RIPK4: variants seen among roughly 807,000 people sequenced by gnomAD.
RIPK4 encodes receptor interacting serine/threonine kinase 4.
Under a neutral mutation model 42.9 loss-of-function variants are expected in RIPK4, and 17 were observed. The ratio of observed to expected loss-of-function variants is 0.40; its 90% confidence interval spans 0.27 to 0.59. RIPK4 has a LOEUF of 0.59. RIPK4 is among the 20% of genes least tolerant of loss of function. The pLI, the probability that RIPK4 is intolerant of heterozygous loss-of-function variation, is 0.47. For synonymous variants in RIPK4, 498 were observed against 499.1 expected (o/e 1.00, Z 0.03); for missense variants, 897 against 1,104.4 (o/e 0.81, Z 2.66).
At chr21:41,750,506 C>T (rs897192901) in intron 3 of RIPK4, among the ~76,000 whole-genome samples, 2 of 152,052 alleles carry the variant, frequency 1.3e-5, no homozygotes, top group Non-Finnish European at 2.9e-5. Flanking sequence ...TTCCAACAGA[C>T]AAGCCATAAA....
intron 1 of RIPK4, among the ~76,000 whole-genome samples, chr21:41,763,460 C>T (rs761742023): frequency 3.0e-4 from 46 of 152,224 alleles, no homozygotes; most frequent in African/African-American, 1.0e-3. Context: ...AGAACTGCCC[C>T]GGGACATGGT....
In RIPK4 at chr21:41,739,716, C is replaced by G. The variant is rs1163655985; in HGVS notation, c.*1122G>C. 1 of 152,256 alleles carries G rather than the reference C, an allele frequency of 6.6e-6. No individual in the cohort carries two copies. The highest frequency in any genetic ancestry group is 1.5e-5 in the Non-Finnish European group (1 of 68,054). The allele number at this position is 152,256 out of a possible 1,614,324, so 9.4% of individuals were successfully genotyped here. ...GCTAGATGGCCACATCTTTTACATC[C>G]AAGAACCGCCCTGGGGCCACACCCC... On this transcript the variant is annotated 3_prime_UTR_variant, in exon 8 of 8. Coordinates refer to ENST00000332512, the MANE Select transcript of RIPK4 (RefSeq NM_020639.3).
At chr21:41,766,490 G>T (rs1290410497) in intron 1 of RIPK4, among the ~76,000 whole-genome samples, 1 of 152,204 alleles carries the variant, frequency 6.6e-6, no homozygotes, top group African/African-American at 2.4e-5. Flanking sequence ...GGTCCGAGGC[G>T]CAAGGCGAGC....
At chr21:41,749,523 T>G (rs1238133834) in intron 3 of RIPK4, among the ~76,000 whole-genome samples, 1 of 152,216 alleles carries the variant, frequency 6.6e-6, no homozygotes, top group African/African-American at 2.4e-5. Flanking sequence ...TGTGCCTCAC[T>G]GATATCTTCT....
chr21:41,756,947 A>G, intron 1 of RIPK4, 131 bp from the exon 2 acceptor site: 1 of 881,660 alleles, frequency 1.1e-6, no homozygotes, highest in Non-Finnish European at 1.7e-6. Context: ...CATGGGGCAC[A>G]CTTCAATGTC....
rs914292273 is a variant in RIPK4 at position 41,746,635 on chromosome 21, C to T, written c.810G>A (p.Pro270=). The T allele has an allele frequency of 8.7e-6, 14 of 1,610,354 alleles. No individual in the cohort carries two copies. In the African/African-American group the frequency reaches 1.5e-4, roughly 17 times the overall value. The change falls in exon 5 of 8, where the codon CCG becomes CCA. Residue 270 remains proline (P), a synonymous_variant. Coordinates refer to ENST00000332512, the MANE Select transcript of RIPK4 (RefSeq NM_020639.3). The part of the protein sequence containing the change: ...RLMQRCWQGD[P]RVRPTFQEIT... ...CACCTTGGAAGGTGGGCCTAACTCGCGGATCCCCCTGCCAGCACCGCTGCA... is the reference window on the plus strand; with the variant it reads ...CACCTTGGAAGGTGGGCCTAACTCGTGGATCCCCCTGCCAGCACCGCTGCA...
intron 1 of RIPK4, among the ~76,000 whole-genome samples, chr21:41,762,775 A>G (rs1252237707): frequency 4.9e-5 from 5 of 102,210 alleles, no homozygotes. Context: ...GGAACTGTAG[A>G]TTTATTACTA....
At position 41,754,842 on chromosome 21, in the gene RIPK4, C is replaced by A. The variant is rs1403278345; in HGVS notation, c.474+1683G>T. Among the ~76,000 whole-genome samples, 3 of 152,132 alleles carry A rather than the reference C, an allele frequency of 2.0e-5. No individual in the cohort carries two copies. The East Asian group carries it at 5.8e-4, about 29-fold the overall frequency. ...GTTTCTTTCATGTCAAGCACAGTGG[C>A]AGGCCAGGTGGAAATCAAGGTCTCT... On this transcript the variant is annotated intron_variant, in intron 2 of 7. Coordinates refer to ENST00000332512, the MANE Select transcript of RIPK4 (RefSeq NM_020639.3).
chr21:41,745,095 A>C (rs1470271140), intron 6 of RIPK4, among the ~76,000 whole-genome samples: 1 of 151,582 alleles, frequency 6.6e-6, no homozygotes, highest in Admixed American at 6.6e-5. Flanking sequence ...TGTACTAGCA[A>C]CCCCCGGGCA....
Position 41,740,934 on chromosome 21 carries a change from A to T in RIPK4, c.2259T>A (p.Thr753=), listed in dbSNP as rs1413383389. The T allele has an allele frequency of 1.2e-6, 2 of 1,612,626 alleles. No homozygotes were observed. The highest frequency in any genetic ancestry group is 2.2e-5 in the South Asian group (2 of 91,076). ...AQGRHAQTVE[T]LLRHGAHINL... ...TGATGTGGGCCCCATGCCTGAGCAG[A>T]GTCTCCACCGTCTGTGCGTGCCGGC... The change falls in exon 8 of 8, where the codon ACT becomes ACA. Residue 753 remains threonine (T), a synonymous_variant. Coordinates refer to ENST00000332512, the MANE Select transcript of RIPK4 (RefSeq NM_020639.3).
chr21:41,759,531 C>T (rs866709129), intron 1 of RIPK4, among the ~76,000 whole-genome samples: 9 of 152,288 alleles, frequency 5.9e-5, no homozygotes, highest in Middle Eastern at 3.4e-3. Flanking sequence ...GCTGGGGTGG[C>T]CTCCAGACAA....
rs1200621662 is a variant in RIPK4, at chr21:41,741,244, G to A, written c.1949C>T (p.Thr650Met). The change falls in exon 8 of 8, where the codon ACG (threonine) becomes ATG (methionine). Residue 650 changes from threonine (T) to methionine (M), a missense_variant. Thr to Met is a moderately conservative substitution (Grantham distance 81). Coordinates refer to ENST00000332512, the MANE Select transcript of RIPK4 (RefSeq NM_020639.3). ...ATGCAGGAGCAGCCTGGCAGTGCTCGTGTGCCCCGTCTCCGCGGCCACGTG... is the reference window on the plus strand; with the variant it reads ...ATGCAGGAGCAGCCTGGCAGTGCTCATGTGCCCCGTCTCCGCGGCCACGTG... ...PLHVAAETGH[T>M]STARLLLHRG... 1.2e-6 allele frequency: 2 copies of A among 1,609,032 alleles called. No individual in the cohort carries two copies. The highest frequency in any genetic ancestry group is 1.1e-5 in the South Asian group (1 of 90,910).
In RIPK4 at chr21:41,741,882, G is replaced by A. The variant is rs56149248; in HGVS notation, c.1311C>T (p.Ser437=). ...QPQDVDLALD[S]GASLLHLAVE... ...CCGCCAGGTGCAGCAGGCTGGCACC[G>A]CTGTCCAGTGCCAGGTCCACGTCCT... is the stretch of plus-strand genomic sequence containing the variant. The change falls in exon 8 of 8, where the codon AGC becomes AGT. Residue 437 remains serine (S), a synonymous_variant. Transcript: ENST00000332512. 3,220 of 1,613,402 alleles carry A rather than the reference G, an allele frequency of 2.0e-3. 37 individuals carry two copies. In the African/African-American group the frequency reaches 0.034, roughly 17 times the overall value.
chr21:41,749,867 C>T (rs1457249089), intron 3 of RIPK4, among the ~76,000 whole-genome samples: 7 of 125,998 alleles, frequency 5.6e-5, no homozygotes, highest in African/African-American at 2.1e-4. Context: ...CTGGATACAC[C>T]AAAAAAAGTG....
At chr21:41,762,984 C>T (rs2061225476) in intron 1 of RIPK4, among the ~76,000 whole-genome samples, 1 of 152,166 alleles carries the variant, frequency 6.6e-6, no homozygotes, top group East Asian at 1.9e-4. Context: ...AAAAACTGTG[C>T]CTTGCTCCAA....
Position 41,740,805 on chromosome 21 carries a change from C to T in RIPK4, c.*33G>A. The T allele has an allele frequency of 6.4e-7, 1 of 1,559,428 alleles. No homozygotes were observed. ...AGGAACACAGGACAGGACAAGAGCC[C>T]CACGTGGACCCCCGGTCTCCGCAGG... On this transcript the variant is annotated 3_prime_UTR_variant, in exon 8 of 8. Transcript: ENST00000332512.
rs531966333 is a variant in RIPK4 at position 41,741,715 on chromosome 21, C to T, written c.1478G>A (p.Arg493Gln). ...ATCCTTGGCGTTGACACTGATCTTC[C>T]GCGCCAGCAGGAGCTCCACGACACC... ...VRGVVELLLA[R>Q]KISVNAKDED... Residue 493 changes from arginine (R) to glutamine (Q), a missense_variant, in exon 8 of 8, where the codon CGG (arginine) becomes CAG (glutamine). By Grantham distance (43) the Arg-to-Gln change is conservative. Transcript: ENST00000332512. 26 of 1,613,472 alleles carry T rather than the reference C, an allele frequency of 1.6e-5. No individual in the cohort carries two copies. The highest frequency in any genetic ancestry group is 2.2e-5 in the East Asian group (1 of 44,870).
chr21:41,748,065 G>T (rs936501251), intron 4 of RIPK4, among the ~76,000 whole-genome samples: 1 of 152,198 alleles, frequency 6.6e-6, no homozygotes. Context: ...ACAAGCCTTC[G>T]GGCTGTAGGC....
At chr21:41,759,672 G>A (rs2061215026) in intron 1 of RIPK4, among the ~76,000 whole-genome samples, 1 of 152,194 alleles carries the variant, frequency 6.6e-6, no homozygotes, top group African/African-American at 2.4e-5. Flanking sequence ...GCAGGTGCTG[G>A]GAAATCACTC....
Sources: allele counts gnomAD v4.1 joint callset (sites outside exome capture counted in the v4.1 genomes callset), GRCh38; gene constraint gnomAD v4.1.1; transcripts MANE v1.5; gene names NCBI Gene and HGNC (gene_info 2026-07-23, HGNC 2026-07-21).